Variants in HPSE2 observed in about 807,000 individuals in gnomAD.
HPSE2 encodes inactive heparanase-2.
Under a neutral mutation model 60.5 loss-of-function variants are expected in HPSE2, and 38 were observed. The observed-to-expected ratio is 0.63, with a 90% CI of 0.48 to 0.82. The LOEUF (loss-of-function observed/expected upper bound fraction) is 0.82. Ranked by LOEUF, HPSE2 falls within the 40% of genes least tolerant of loss-of-function variation. The pLI is 0.00. For missense variants in HPSE2, 713 were observed against 740.4 expected (o/e 0.96, Z 0.43); for synonymous variants, 295 against 293.2 (o/e 1.01, Z -0.06).
chr10:98,744,077 G>C, intron 3 of HPSE2, 21 bp from the exon 4 acceptor site: 2 of 1,610,592 alleles, frequency 1.2e-6, no homozygotes. Flanking sequence ...GCAGAGAAAG[G>C]CTTGTAACTT....
chr10:98,777,669 T>C (rs1480965191), intron 3 of HPSE2, among the ~76,000 whole-genome samples: 1 of 152,208 alleles, frequency 6.6e-6, no homozygotes. Context: ...AAAACAATTT[T>C]TAAAAACCTC....
intron 3 of HPSE2, among the ~76,000 whole-genome samples, chr10:98,897,918 C>CA (rs1049275167): frequency 7.9e-5 from 12 of 151,684 alleles, no homozygotes; most frequent in African/African-American, 2.7e-4. Context: ...ACAGACTGGG[C>CA]AAAAAAGATT....
At chr10:99,044,976 GAAAC>G (rs1281187520) in intron 3 of HPSE2, among the ~76,000 whole-genome samples, 36 of 152,162 alleles carry the variant, frequency 2.4e-4, no homozygotes, top group African/African-American at 8.7e-4. Context: ...AACTTACAAA[GAAAC>G]TATGGACTCA....
At chr10:98,878,799 A>G (rs1952943158) in intron 3 of HPSE2, among the ~76,000 whole-genome samples, 1 of 152,026 alleles carries the variant, frequency 6.6e-6, no homozygotes, top group African/African-American at 2.4e-5. Context: ...CTCCAAGTCA[A>G]GAATGAGTTG....
rs556721532 is a variant in HPSE2, at chr10:98,794,511, T to C, written c.611-50455A>G. Among the ~76,000 whole-genome samples, 5 of 152,272 alleles carry C rather than the reference T, an allele frequency of 3.3e-5. No individual in the cohort carries two copies. In the East Asian group the frequency reaches 7.7e-4, roughly 24 times the overall value. On this transcript the variant is annotated intron_variant, in intron 3 of 11. Transcript: ENST00000370552. ...CCACCTGCCTTGGCCTCCCGAAGTG[T>C]TGGGCTTACAGGCATGAGCCACTGC...
At chr10:99,104,244 G>C (rs1474810639) in intron 3 of HPSE2, among the ~76,000 whole-genome samples, 1 of 152,134 alleles carries the variant, frequency 6.6e-6, no homozygotes, top group Non-Finnish European at 1.5e-5. Flanking sequence ...ATCTGGCAAA[G>C]GGCTAATATC....
intron 3 of HPSE2, among the ~76,000 whole-genome samples, chr10:98,789,242 G>A (rs555737061): frequency 2.0e-5 from 3 of 152,204 alleles, no homozygotes; most frequent in Non-Finnish European, 1.5e-5. Context: ...ACCTTAAGTG[G>A]AGAAGTACTA....
At chr10:98,832,610 G>C (rs1296827401) in intron 3 of HPSE2, among the ~76,000 whole-genome samples, 46 of 152,152 alleles carry the variant, frequency 3.0e-4, no homozygotes, top group Non-Finnish European at 1.6e-4. Context: ...CCAGATTAGA[G>C]ACAACTTGTG....
At chr10:98,983,173 T>G (rs751755901) in intron 3 of HPSE2, among the ~76,000 whole-genome samples, 5 of 152,180 alleles carry the variant, frequency 3.3e-5, no homozygotes, top group Non-Finnish European at 1.5e-5. Context: ...GCACATTACA[T>G]TTATTGTGCA....
chr10:98,703,104 A>G (rs1473515316), intron 5 of HPSE2, among the ~76,000 whole-genome samples: 1 of 152,210 alleles, frequency 6.6e-6, no homozygotes, highest in East Asian at 1.9e-4. Context: ...TAAAGGAGAT[A>G]TCACCACTTA....
At chr10:98,689,744 T>C (rs1471626804) in intron 6 of HPSE2, among the ~76,000 whole-genome samples, 1 of 152,234 alleles carries the variant, frequency 6.6e-6, no homozygotes, top group Non-Finnish European at 1.5e-5. Flanking sequence ...GGAAGTTAAA[T>C]GAATGACTGA....
At chr10:98,498,350 G>A (rs548102887) in intron 9 of HPSE2, among the ~76,000 whole-genome samples, 24 of 152,206 alleles carry the variant, frequency 1.6e-4, no homozygotes, top group Admixed American at 9.2e-4. Context: ...GTACCAGCTC[G>A]GAACTGGGTA....
At chr10:98,660,455 C>A (rs1011692736) in intron 6 of HPSE2, among the ~76,000 whole-genome samples, 1 of 152,148 alleles carries the variant, frequency 6.6e-6, no homozygotes, top group African/African-American at 2.4e-5. Flanking sequence ...CCTTTCCATA[C>A]CTCTGAAAAT....
the HPSE2 span, among the ~76,000 whole-genome samples, chr10:99,259,165 G>A: frequency 6.6e-6 from 1 of 152,020 alleles, no homozygotes; most frequent in Non-Finnish European, 1.5e-5. Flanking sequence ...AATTAACCAG[G>A]CATGATGGCA....
At chr10:98,810,607 T>A (rs1351059089) in intron 3 of HPSE2, among the ~76,000 whole-genome samples, 2 of 152,132 alleles carry the variant, frequency 1.3e-5, no homozygotes, top group East Asian at 3.9e-4. Context: ...GTGACTTCTT[T>A]ATTGCTGTAT....
intron 3 of HPSE2, among the ~76,000 whole-genome samples, chr10:99,004,929 G>A (rs181237333): frequency 1.9e-4 from 29 of 152,158 alleles, no homozygotes; most frequent in Admixed American, 1.8e-3. Context: ...CTCTTGGTTG[G>A]CAGGGTTTCT....
chr10:98,646,871 TATA>T (rs548500497), intron 6 of HPSE2, among the ~76,000 whole-genome samples: 57 of 152,308 alleles, frequency 3.7e-4, no homozygotes, highest in African/African-American at 1.3e-3. Flanking sequence ...TCACCTACAG[TATA>T]ATAAGCACAA....
intron 4 of HPSE2, among the ~76,000 whole-genome samples, chr10:98,726,947 G>A (rs565889791): frequency 4.7e-4 from 71 of 152,246 alleles, no homozygotes; most frequent in Admixed American, 1.6e-3. Flanking sequence ...CCAACACAGA[G>A]ATGCACTGGC....
chr10:99,092,950 G>T (rs926154098), intron 3 of HPSE2, among the ~76,000 whole-genome samples: 4 of 152,154 alleles, frequency 2.6e-5, no homozygotes, highest in African/African-American at 9.7e-5. Context: ...AGTATTGCTG[G>T]CTGGGCACAG....
Sources: gnomAD v4.1 joint callset for allele counts (sites outside exome capture counted in the v4.1 genomes callset) on GRCh38, gnomAD v4.1.1 for gene constraint, MANE v1.5 for transcripts, NCBI Gene and HGNC (gene_info 2026-07-23, HGNC 2026-07-21) for gene names.